The following NTRK3 variants were observed in gnomAD, a reference collection of about 807,000 sequenced individuals.
NTRK3 encodes the protein NT-3 growth factor receptor.
In NTRK3, 24 loss-of-function variants were observed where a neutral mutation model predicts 91.7. The observed-to-expected ratio is 0.26, with a 90% CI of 0.19 to 0.37. The LOEUF (loss-of-function observed/expected upper bound fraction) is 0.37, where lower values mean the gene tolerates loss of function less well. NTRK3 is among the 10% of genes least tolerant of loss of function. The pLI is 1.00. For missense variants in NTRK3, 880 were observed against 1,068.9 expected, an observed-to-expected ratio of 0.82 and a Z score of 2.46; for synonymous variants, 483 against 404.0, an observed-to-expected ratio of 1.20 and a Z score of -2.34.
rs532637073 is a variant in NTRK3, at chr15:87,937,622, A to G, written c.1716+3001T>C. On this transcript the variant is annotated intron_variant, in intron 15 of 18. Transcript: ENST00000394480. ...GGAAGAAATATAATGCTAAATCCAA[A>G]TGACTAATATTATCAAAAATCAGGA... is the stretch of plus-strand genomic sequence containing the variant. 8.5e-5 allele frequency among the ~76,000 whole-genome samples: 13 copies of G among 152,270 alleles called. No homozygotes were observed. In the South Asian group the frequency reaches 2.3e-3, roughly 27 times the overall value.
intron 13 of NTRK3, among the ~76,000 whole-genome samples, chr15:88,109,616 C>T (rs1386436148): frequency 1.3e-5 from 2 of 152,104 alleles, no homozygotes; most frequent in Non-Finnish European, 2.9e-5. Flanking sequence ...GATATGTGCT[C>T]TGGCAGAAAG....
chr15:88,187,283 C>T (rs1440009877), intron 3 of NTRK3, among the ~76,000 whole-genome samples: 1 of 152,156 alleles, frequency 6.6e-6, no homozygotes, highest in Non-Finnish European at 1.5e-5. Context: ...TACACAGGTT[C>T]AAGGAGTGCA....
intron 5 of NTRK3, among the ~76,000 whole-genome samples, chr15:88,154,931 T>C (rs144340195): frequency 1.4e-4 from 22 of 152,248 alleles, no homozygotes; most frequent in Admixed American, 5.2e-4. Flanking sequence ...AGCCAAAAAA[T>C]ACCCACATAA....
At chr15:87,921,089 A>G (rs1411790979) in intron 17 of NTRK3, among the ~76,000 whole-genome samples, 1 of 152,206 alleles carries the variant, frequency 6.6e-6, no homozygotes, top group African/African-American at 2.4e-5. Context: ...TATTTTTGCA[A>G]CTTTTCTGTA....
chr15:88,255,845 T>C lies in NTRK3; in HGVS notation c.248+61A>G, dbSNP rs953995462. 64 of 1,419,234 alleles carry C rather than the reference T, an allele frequency of 4.5e-5. No individual in the cohort carries two copies. Among genetic ancestry groups the C allele is most frequent in the Non-Finnish European group, 5.8e-5 (62 of 1,069,772 alleles). The allele number at this position is 1,419,234 out of a possible 1,614,324, so 87.9% of individuals were successfully genotyped here. ...CGGAGGGCCGGCTCCCGGCCGCGGG[T>C]GGGCAGGAGGGAGACGCAGAGCGCG... On this transcript the variant is annotated intron_variant, in intron 3 of 18. Coordinates refer to ENST00000394480, the Ensembl canonical transcript of NTRK3. This position sits in a 1 kb window ranked among gnomAD's most constrained non-coding sequence, Gnocchi z 4.3.
At chr15:88,032,470 G>T (rs943690705) in intron 14 of NTRK3, among the ~76,000 whole-genome samples, 1 of 152,122 alleles carries the variant, frequency 6.6e-6, no homozygotes, top group Non-Finnish European at 1.5e-5. Context: ...ATGGAGGCTT[G>T]GGTGGAGGTT....
rs74494663 is a variant in NTRK3, at chr15:87,966,231, G to A, written c.1586-25478C>T. Among the ~76,000 whole-genome samples the A allele has an allele frequency of 5.4e-3, 820 of 152,310 alleles. 7 individuals carry two copies. Among genetic ancestry groups the A allele is most frequent in the African/African-American group, 0.019 (787 of 41,572 alleles). Reference sequence around the variant, plus strand: ...CCTATTCCTTACATTTGAAGGACTTGGGACAAGGGAATAATTAGAAGCACA... The same window carrying A: ...CCTATTCCTTACATTTGAAGGACTTAGGACAAGGGAATAATTAGAAGCACA... On this transcript the variant is annotated intron_variant, in intron 14 of 18. Coordinates refer to ENST00000394480, the Ensembl canonical transcript of NTRK3.
chr15:87,906,969 T>C (rs2066806019), intron 17 of NTRK3, among the ~76,000 whole-genome samples: 1 of 152,242 alleles, frequency 6.6e-6, no homozygotes, highest in African/African-American at 2.4e-5. Context: ...TCAGGATACA[T>C]GGATAAAATG....
At chr15:88,251,419 C>A (rs998386473) in intron 3 of NTRK3, among the ~76,000 whole-genome samples, 2 of 152,242 alleles carry the variant, frequency 1.3e-5, no homozygotes, top group African/African-American at 4.8e-5. Flanking sequence ...TCTAGAGTGC[C>A]CTGATGGAGC....
chr15:87,896,896 T>C (rs2066158174), intron 17 of NTRK3, among the ~76,000 whole-genome samples: 1 of 152,194 alleles, frequency 6.6e-6, no homozygotes, highest in African/African-American at 2.4e-5. Flanking sequence ...ATCTAGCTTC[T>C]TAGAGACAAA....
intron 5 of NTRK3, among the ~76,000 whole-genome samples, chr15:88,156,607 C>G (rs951765628): frequency 2.0e-5 from 3 of 152,146 alleles, no homozygotes; most frequent in African/African-American, 7.2e-5. Context: ...TCTCCCCACC[C>G]TGCAAGCACA....
intron 3 of NTRK3, among the ~76,000 whole-genome samples, chr15:88,208,077 T>C (rs2048947368): frequency 6.6e-6 from 1 of 152,122 alleles, no homozygotes; most frequent in South Asian, 2.1e-4. Flanking sequence ...CTCTAGCCAC[T>C]ATGGCCACAA....
intron 6 of NTRK3, among the ~76,000 whole-genome samples, chr15:88,145,443 C>T (rs1597585000): frequency 1.3e-5 from 2 of 152,270 alleles, no homozygotes; most frequent in East Asian, 1.9e-4. Flanking sequence ...CTGACTCACA[C>T]TGGAGGGAAT....
At chr15:87,993,471 G>A (rs530497835) in intron 14 of NTRK3, among the ~76,000 whole-genome samples, 6 of 152,094 alleles carry the variant, frequency 3.9e-5, no homozygotes, top group South Asian at 2.1e-4. Context: ...AAAAGAAGAC[G>A]GAGGAAAGGT....
intron 3 of NTRK3, among the ~76,000 whole-genome samples, chr15:88,242,543 C>T (rs891733765): frequency 7.2e-5 from 11 of 152,350 alleles, no homozygotes; most frequent in African/African-American, 2.6e-4. Context: ...GATCATTTGT[C>T]TAATACCTGC....
At chr15:87,867,321 C>T (rs2064711197) in exon 19 of NTRK3, 1 of 226,886 alleles carries the variant, frequency 4.4e-6, no homozygotes, top group Admixed American at 5.7e-5. Context: ...CTGGCTTTTC[C>T]CTGGCCTTAA....
At chr15:88,222,992 C>T (rs2050361851) in intron 3 of NTRK3, among the ~76,000 whole-genome samples, 1 of 152,132 alleles carries the variant, frequency 6.6e-6, no homozygotes. Flanking sequence ...AAGCTCAAAC[C>T]AAGAAGTGGG....
chr15:88,197,596 T>C (rs1270053313), intron 3 of NTRK3, among the ~76,000 whole-genome samples: 5 of 152,210 alleles, frequency 3.3e-5, no homozygotes, highest in Non-Finnish European at 7.3e-5. Context: ...TTTTCTCTGT[T>C]TCCCGTGTCC....
intron 17 of NTRK3, among the ~76,000 whole-genome samples, chr15:87,906,697 G>A (rs184634267): frequency 2.0e-4 from 31 of 152,098 alleles, no homozygotes; most frequent in East Asian, 9.7e-4. Context: ...AAAATATTTC[G>A]TATTCTTTAA....
Sources: gnomAD v4.1 joint callset for allele counts (sites outside exome capture counted in the v4.1 genomes callset) on GRCh38, gnomAD v4.1.1 for gene constraint, Gnocchi (gnomAD v3.1) non-coding constraint, MANE v1.5 for transcripts, NCBI Gene and HGNC (gene_info 2026-07-23, HGNC 2026-07-21) for gene names.